Variants in DCC observed in about 807,000 individuals in gnomAD.
DCC encodes the protein netrin receptor DCC.
A neutral mutation model predicts 172.5 loss-of-function variants in DCC; 58 were observed. The ratio of observed to expected loss-of-function variants is 0.34; its 90% CI spans 0.27 to 0.42. The LOEUF (loss-of-function observed/expected upper bound fraction) is 0.42. DCC is among the 10% of genes least tolerant of loss of function. The pLI is 1.00. For missense variants in DCC, 1,740 were observed against 1,791.0 expected (o/e 0.97, Z 0.51); for synonymous variants, 709 against 644.5 (o/e 1.10, Z -1.52).
intron 1 of DCC, among the ~76,000 whole-genome samples, chr18:52,356,142 C>T (rs1253585555): frequency 6.6e-6 from 1 of 152,054 alleles, no homozygotes; most frequent in Non-Finnish European, 1.5e-5. Context: ...TGGTGGCATA[C>T]ATAATGTAAT....
chr18:53,481,070 T>A (rs1165828454), intron 25 of DCC: 1 of 152,092 alleles, frequency 6.6e-6, no homozygotes. Flanking sequence ...CCAGCATGAG[T>A]GATCTAAAAT....
intron 2 of DCC, among the ~76,000 whole-genome samples, chr18:52,817,681 G>A (rs1268957904): frequency 6.6e-6 from 1 of 152,044 alleles, no homozygotes; most frequent in Non-Finnish European, 1.5e-5. Flanking sequence ...TAATGTGTAT[G>A]TACACGCATG....
At chr18:53,019,971 A>G (rs1172300644) in intron 5 of DCC, among the ~76,000 whole-genome samples, 1 of 152,162 alleles carries the variant, frequency 6.6e-6, no homozygotes, top group Non-Finnish European at 1.5e-5. Context: ...GTCACAAACT[A>G]AAGTGATTGT....
At position 52,931,274 on chromosome 18, in the gene DCC, T is replaced by G. The variant is rs192534578; in HGVS notation, c.985+5904T>G. Among the ~76,000 whole-genome samples the G allele has an allele frequency of 6.1e-3, 924 of 152,168 alleles. 11 individuals carry two copies. The highest frequency in any genetic ancestry group is 0.027 in the Middle Eastern group (8 of 292). On this transcript the variant is annotated intron_variant, in intron 5 of 28. Coordinates refer to ENST00000442544, the MANE Select transcript of DCC (RefSeq NM_005215.4). ...AATTGAATTTATTGCCTTCTTAAAATGGATGATAAGAAAAGAACTTTATTA... is the reference window on the plus strand; with the variant it reads ...AATTGAATTTATTGCCTTCTTAAAAGGGATGATAAGAAAAGAACTTTATTA...
intron 2 of DCC, among the ~76,000 whole-genome samples, chr18:52,755,121 G>A (rs1267950709): frequency 6.6e-6 from 1 of 152,218 alleles, no homozygotes; most frequent in African/African-American, 2.4e-5. Context: ...CAAATGAAGT[G>A]GAAAGGGGAC....
intron 2 of DCC, among the ~76,000 whole-genome samples, chr18:52,807,595 T>C (rs1055898695): frequency 6.6e-6 from 1 of 152,192 alleles, no homozygotes; most frequent in Non-Finnish European, 1.5e-5. Flanking sequence ...AGAAACATTA[T>C]TACAACTTTG....
At chr18:52,428,826 C>A (rs1414072308) in intron 1 of DCC, among the ~76,000 whole-genome samples, 1 of 152,054 alleles carries the variant, frequency 6.6e-6, no homozygotes, top group East Asian at 1.9e-4. Flanking sequence ...TTTTCTCTAA[C>A]CCCTGGAAAC....
intron 1 of DCC, among the ~76,000 whole-genome samples, chr18:52,357,071 C>T (rs1395748322): frequency 6.6e-6 from 1 of 152,138 alleles, no homozygotes; most frequent in African/African-American, 2.4e-5. Context: ...AGGCATAAGC[C>T]ACTGCTTCCA....
intron 1 of DCC, among the ~76,000 whole-genome samples, chr18:52,680,370 C>T (rs766371): frequency 0.41 from 62,781 of 151,834 alleles, 13,256 homozygotes; most frequent in Non-Finnish European, 0.47. Context: ...GTGATGTTTG[C>T]TGGCTCTGCC....
intron 5 of DCC, among the ~76,000 whole-genome samples, chr18:53,048,569 A>ATG (rs201814567): frequency 7.9e-6 from 1 of 126,900 alleles, no homozygotes; most frequent in South Asian, 2.4e-4. Flanking sequence ...GTGTATATGT[A>ATG]TGTGTGTGTA....
intron 1 of DCC, among the ~76,000 whole-genome samples, chr18:52,368,615 A>T (rs1244876912): frequency 6.6e-6 from 1 of 152,116 alleles, no homozygotes; most frequent in East Asian, 1.9e-4. Flanking sequence ...ACCAGTGCTG[A>T]TGGGTGACTT....
chr18:52,848,223 A>G (rs1025633516), intron 2 of DCC, among the ~76,000 whole-genome samples: 24 of 151,714 alleles, frequency 1.6e-4, no homozygotes, highest in Non-Finnish European at 1.5e-5. Flanking sequence ...GTGCTGAGAT[A>G]ACAGGCATCT....
intron 5 of DCC, among the ~76,000 whole-genome samples, chr18:52,991,428 A>C (rs753311132): frequency 5.3e-5 from 8 of 152,154 alleles, no homozygotes; most frequent in Non-Finnish European, 8.8e-5. Context: ...TAGGAGAGTA[A>C]ATAAAGTGTG....
At chr18:52,427,883 C>CCTTCCTTCCTTA (rs1568165795) in intron 1 of DCC, among the ~76,000 whole-genome samples, 2 of 139,986 alleles carry the variant, frequency 1.4e-5, no homozygotes, top group African/African-American at 5.4e-5. Flanking sequence ...TTCCTTCCTT[C>CCTTCCTTCCTTA]CTTCCTTCCT....
At chr18:53,445,920 A>G (rs2145138909) in intron 22 of DCC, among the ~76,000 whole-genome samples, 1 of 151,906 alleles carries the variant, frequency 6.6e-6, no homozygotes, top group South Asian at 2.1e-4. Context: ...AGACAGGTAT[A>G]TTATGATACA....
At chr18:52,773,843 T>TA (rs5824960) in intron 2 of DCC, among the ~76,000 whole-genome samples, 7,742 of 151,254 alleles carry the variant, frequency 0.051, 633 homozygotes, top group East Asian at 0.42. Context: ...TATATATATA[T>TA]TTTTTAAAGG....
chr18:52,358,403 A>C (rs572640378), intron 1 of DCC, among the ~76,000 whole-genome samples: 1 of 152,334 alleles, frequency 6.6e-6, no homozygotes, highest in East Asian at 1.9e-4. Context: ...TGAGAGAACA[A>C]AGACAAGATA....
chr18:52,578,963 G>A (rs1428329363), intron 1 of DCC, among the ~76,000 whole-genome samples: 1 of 152,146 alleles, frequency 6.6e-6, no homozygotes, highest in Non-Finnish European at 1.5e-5. Flanking sequence ...CCCAGCAACA[G>A]AGTGAGACTC....
At chr18:52,475,225 C>G (rs911728980) in intron 1 of DCC, among the ~76,000 whole-genome samples, 2 of 152,146 alleles carry the variant, frequency 1.3e-5, no homozygotes, top group Admixed American at 6.6e-5. Context: ...GCCCTTTCTA[C>G]TAACTTCCAG....
Sources: allele counts gnomAD v4.1 joint callset (sites outside exome capture counted in the v4.1 genomes callset), GRCh38; gene constraint gnomAD v4.1.1; transcripts MANE v1.5; gene names NCBI Gene and HGNC (gene_info 2026-07-23, HGNC 2026-07-21).